Variants in RAB28 observed in about 807,000 individuals in gnomAD.
The protein encoded by RAB28 is RAB28, member RAS oncogene family.
In RAB28, 24 loss-of-function variants were observed where a neutral mutation model predicts 31.7. The observed-to-expected ratio is 0.76, with a 90% CI of 0.55 to 1.06. The LOEUF is 1.06. Among genes scored for constraint, RAB28 ranks in the 50% least tolerant of loss-of-function variants. RAB28 has a pLI of 0.00. For missense variants in RAB28, 254 were observed against 258.5 expected (o/e 0.98, Z 0.12); for synonymous variants, 100 against 90.4 (o/e 1.11, Z -0.60).
In RAB28 at chr4:13,466,070, C is replaced by T. The variant is rs181131102; in HGVS notation, c.262-5242G>A. Among the ~76,000 whole-genome samples the T allele has an allele frequency of 3.4e-4, 52 of 151,916 alleles. 2 individuals carry two copies. The highest frequency in any genetic ancestry group is 2.5e-3 in the Admixed American group (38 of 15,206). ...CTCACAACATATACAAAAACCAACT[C>T]GAAATTGATTAACAATTTCAAAGTA... On this transcript the variant is annotated intron_variant, in intron 3 of 6. Coordinates refer to ENST00000330852, the MANE Select transcript of RAB28 (RefSeq NM_001017979.3).
chr4:13,393,590 C>T (rs1184963357), intron 4 of RAB28, among the ~76,000 whole-genome samples: 1 of 151,848 alleles, frequency 6.6e-6, no homozygotes, highest in African/African-American at 2.4e-5. Flanking sequence ...ACTCTTTGTT[C>T]CAAATTTAGA....
chr4:13,434,081 T>C (rs1386865048), intron 4 of RAB28, among the ~76,000 whole-genome samples: 2 of 152,152 alleles, frequency 1.3e-5, no homozygotes, highest in Admixed American at 6.5e-5. Context: ...AAATACCACA[T>C]GTTCTCACTT....
intron 4 of RAB28, among the ~76,000 whole-genome samples, chr4:13,451,170 T>C (rs985203178): frequency 1.3e-5 from 2 of 151,948 alleles, no homozygotes; most frequent in Non-Finnish European, 2.9e-5. Flanking sequence ...GTTCTTTTCC[T>C]TCACATTCTC....
chr4:13,377,653 A>T (rs143928892), intron 5 of RAB28, among the ~76,000 whole-genome samples: 1,553 of 152,328 alleles, frequency 0.01, 28 homozygotes, highest in African/African-American at 0.035. Context: ...GGGTGGCCCA[A>T]TGTGACTTTT....
At chr4:13,453,839 G>C (rs1236054425) in intron 4 of RAB28, among the ~76,000 whole-genome samples, 1 of 152,082 alleles carries the variant, frequency 6.6e-6, no homozygotes, top group Non-Finnish European at 1.5e-5. Flanking sequence ...CAGGTTCTTT[G>C]AGCTTCCTCG....
chr4:13,442,153 T>C (rs978826875), intron 4 of RAB28, among the ~76,000 whole-genome samples: 1 of 152,224 alleles, frequency 6.6e-6, no homozygotes, highest in African/African-American at 2.4e-5. Flanking sequence ...TTTACAATTT[T>C]ATTTCATTTA....
At chr4:13,472,414 G>GATAATAA (rs1399809994) in intron 3 of RAB28, among the ~76,000 whole-genome samples, 1 of 151,086 alleles carries the variant, frequency 6.6e-6, no homozygotes, top group Non-Finnish European at 1.5e-5. Flanking sequence ...AAATAAATTA[G>GATAATAA]ATAATAAATT....
chr4:13,382,948 C>T (rs973296588), intron 4 of RAB28, among the ~76,000 whole-genome samples: 7 of 152,088 alleles, frequency 4.6e-5, no homozygotes, highest in East Asian at 1.9e-4. Context: ...GATCCACCCA[C>T]CTCGGCCTCC....
chr4:13,391,927 G>T (rs1243451829), intron 4 of RAB28, among the ~76,000 whole-genome samples: 4 of 151,786 alleles, frequency 2.6e-5, no homozygotes, highest in Non-Finnish European at 5.9e-5. Flanking sequence ...CTGGGGGAGG[G>T]ATAGCATTAG....
chr4:13,376,227 A>G (rs995652905), intron 6 of RAB28, among the ~76,000 whole-genome samples: 1 of 152,114 alleles, frequency 6.6e-6, no homozygotes, highest in African/African-American at 2.4e-5. Flanking sequence ...AGAGGCTCCA[A>G]AAGGATTTAA....
chr4:13,468,284 G>A (rs1032493654), intron 3 of RAB28, among the ~76,000 whole-genome samples: 8 of 151,852 alleles, frequency 5.3e-5, no homozygotes, highest in African/African-American at 9.7e-5. Flanking sequence ...ATTAGAATAC[G>A]TACTATTCCC....
intron 4 of RAB28, among the ~76,000 whole-genome samples, chr4:13,410,369 G>A (rs1338781132): frequency 6.6e-6 from 1 of 152,064 alleles, no homozygotes; most frequent in East Asian, 1.9e-4. Flanking sequence ...AAGGGTCTTA[G>A]TTTGCCAATC....
At chr4:13,374,159 T>C (rs543451270) in intron 6 of RAB28, among the ~76,000 whole-genome samples, 1 of 152,162 alleles carries the variant, frequency 6.6e-6, no homozygotes. Context: ...TTGACAAACA[T>C]ATAGAAGAGT....
intron 4 of RAB28, among the ~76,000 whole-genome samples, chr4:13,431,198 T>C (rs1397677357): frequency 1.3e-5 from 2 of 152,178 alleles, no homozygotes; most frequent in African/African-American, 4.8e-5. Context: ...AAAGAGGCTC[T>C]GCCTCCTCAG....
intron 4 of RAB28, among the ~76,000 whole-genome samples, chr4:13,420,266 T>C (rs1173072810): frequency 6.6e-6 from 1 of 152,152 alleles, no homozygotes; most frequent in African/African-American, 2.4e-5. Flanking sequence ...CAATAATTAA[T>C]GGTCTACCAA....
intron 1 of RAB28, among the ~76,000 whole-genome samples, chr4:13,479,945 TAAG>T (rs1716536341): frequency 6.6e-6 from 1 of 151,712 alleles, no homozygotes; most frequent in South Asian, 2.1e-4. Context: ...AAGCTAATAA[TAAG>T]AAGCATTCAT....
chr4:13,484,090 C>G lies in RAB28; in HGVS notation c.61G>C (p.Gly21Arg). The G allele has an allele frequency of 6.2e-7, 1 of 1,600,462 alleles. No individual in the cohort carries two copies. Among genetic ancestry groups the G allele is most frequent in the Non-Finnish European group, 8.5e-7 (1 of 1,174,130 alleles). Residue 21 changes from glycine to arginine, a missense_variant, in exon 1 of 7, where the codon GGC becomes CGC. Transcript: ENST00000330852. Reference sequence around the variant, plus strand: ...CGAGGACTGACCTTCCCGGAGGCGCCGTCCCCCAGCACGACGATTTTCAGT... The same window carrying G: ...CGAGGACTGACCTTCCCGGAGGCGCGGTCCCCCAGCACGACGATTTTCAGT... ...RQLKIVVLGDGASGKTSLTTC... is the reference protein window; with the variant it reads ...RQLKIVVLGDRASGKTSLTTC...
At chr4:13,377,825 T>C (rs13435249) in intron 5 of RAB28, among the ~76,000 whole-genome samples, 5,638 of 152,284 alleles carry the variant, frequency 0.037, 174 homozygotes, top group African/African-American at 0.083. Context: ...GTTCTGGATA[T>C]ATTTTCAAAG....
chr4:13,442,232 T>A (rs1714455751), intron 4 of RAB28, among the ~76,000 whole-genome samples: 1 of 152,210 alleles, frequency 6.6e-6, no homozygotes, highest in Admixed American at 6.5e-5. Flanking sequence ...AATTAAGGAC[T>A]TTCCATTTGT....
Sources: allele counts gnomAD v4.1 joint callset (sites outside exome capture counted in the v4.1 genomes callset), GRCh38; gene constraint gnomAD v4.1.1; transcripts MANE v1.5; gene names NCBI Gene and HGNC (gene_info 2026-07-23, HGNC 2026-07-21).